Variants in PCDHA9 observed in about 807,000 individuals in gnomAD.
The protein encoded by PCDHA9 is protocadherin alpha 9, also known as protocadherin alpha-9.
PCDHA9 carries 62 observed loss-of-function variants against 62.0 expected under a neutral mutation model. The observed-to-expected ratio is 1.00, with a 90% CI of 0.81 to 1.23. PCDHA9 has a LOEUF of 1.23. Ranked by LOEUF, PCDHA9 falls within the 50% of genes most tolerant of loss-of-function variation. The pLI, the probability that PCDHA9 is intolerant of heterozygous loss-of-function variation, is 0.00. For missense variants in PCDHA9, 1,205 were observed against 1,249.8 expected (o/e 0.96, Z 0.54); for synonymous variants, 557 against 567.6 (o/e 0.98, Z 0.27).
intron 3 of PCDHA9, among the ~76,000 whole-genome samples, chr5:140,990,571 G>A (rs996259729): frequency 6.6e-6 from 1 of 152,102 alleles, no homozygotes; most frequent in Non-Finnish European, 1.5e-5. Flanking sequence ...ACACCTGTTC[G>A]ATCTCTTTTC....
intron 1 of PCDHA9, chr5:140,875,866 G>T: frequency 6.2e-7 from 1 of 1,614,192 alleles, no homozygotes; most frequent in Non-Finnish European, 8.5e-7. Context: ...CAACCCGCCG[G>T]TGTTCAGAGA....
chr5:140,887,201 A>G (rs1331832646), intron 1 of PCDHA9, among the ~76,000 whole-genome samples: 1 of 150,710 alleles, frequency 6.6e-6, no homozygotes, highest in Non-Finnish European at 1.5e-5. Context: ...GGTTCACGCC[A>G]TTCTCCTGCC....
intron 2 of PCDHA9, among the ~76,000 whole-genome samples, chr5:140,981,831 G>A (rs2096952818): frequency 6.6e-6 from 1 of 152,006 alleles, no homozygotes; most frequent in African/African-American, 2.4e-5. Flanking sequence ...TGCCTCTAAA[G>A]GTCTCCCAGT....
chr5:140,877,325 C>G lies in PCDHA9; in HGVS notation c.2394+26436C>G. 1.2e-6 allele frequency: 2 copies of G among 1,613,974 alleles called. No individual in the cohort carries two copies. Among genetic ancestry groups the G allele is most frequent in the Non-Finnish European group, 1.7e-6 (2 of 1,179,864 alleles). The stretch of plus-strand genomic sequence containing the variant: ...GAGTTGCAACCGGCGGCGGTCGGCG[C>G]GCACATCCCGTTCCACGTGGGGCTG... On this transcript the variant is annotated intron_variant, in intron 1 of 3. Transcript: ENST00000532602.
intron 3 of PCDHA9, among the ~76,000 whole-genome samples, chr5:141,005,512 G>C (rs1015892170): frequency 6.6e-6 from 1 of 151,536 alleles, no homozygotes; most frequent in Non-Finnish European, 1.5e-5. Flanking sequence ...GACCATCCTG[G>C]CTAACACGGT....
rs1387090858 is a variant in PCDHA9, at chr5:140,923,184, T to C, written c.2395-55765T>C. Reference sequence around the variant, plus strand: ...AGATAAATTTTTGTTCAGATGCATCTACTGCAGCAATTTGGGAGGCTAAGG... The same window carrying C: ...AGATAAATTTTTGTTCAGATGCATCCACTGCAGCAATTTGGGAGGCTAAGG... On this transcript the variant is annotated intron_variant, in intron 1 of 3. Transcript: ENST00000532602. Among the ~76,000 whole-genome samples the C allele has an allele frequency of 3.9e-5, 6 of 152,146 alleles. No homozygotes were observed. In the East Asian group the frequency reaches 1.2e-3, roughly 29 times the overall value.
chr5:140,956,433 C>T (rs1260145380), intron 1 of PCDHA9, among the ~76,000 whole-genome samples: 6 of 152,098 alleles, frequency 3.9e-5, no homozygotes, highest in African/African-American at 1.4e-4. Context: ...TTTAGTTCTG[C>T]TTATGTGATG....
At chr5:140,863,601 A>G (rs781889102) in intron 1 of PCDHA9, 1 of 355,024 alleles carries the variant, frequency 2.8e-6, no homozygotes, top group Non-Finnish European at 5.6e-6. Flanking sequence ...TTTCATTCCT[A>G]TTAATGTCCC....
intron 1 of PCDHA9, chr5:140,884,763 CT>C (rs1206964755): frequency 1.9e-5 from 27 of 1,421,678 alleles, no homozygotes; most frequent in Non-Finnish European, 2.4e-5. Context: ...TTATTCTTTA[CT>C]TTAATTTTAA....
chr5:140,929,308 G>A, intron 1 of PCDHA9: 3 of 1,569,682 alleles, frequency 1.9e-6, no homozygotes, highest in East Asian at 2.3e-5. Context: ...AGGGGATCAC[G>A]CTAATGTCAA....
chr5:140,876,081 G>A (rs568872116), intron 1 of PCDHA9: 1 of 1,613,944 alleles, frequency 6.2e-7, no homozygotes, highest in African/African-American at 1.3e-5. Flanking sequence ...TGGACAGAGA[G>A]CAAACGCCAA....
chr5:140,920,282 T>C (rs1554199556), intron 1 of PCDHA9, among the ~76,000 whole-genome samples: 1 of 152,218 alleles, frequency 6.6e-6, no homozygotes, highest in African/African-American at 2.4e-5. Context: ...TAATCTTATA[T>C]TTTTTAGAGG....
At chr5:140,855,737 C>A (rs1168168277) in intron 1 of PCDHA9, 12 of 304,242 alleles carry the variant, frequency 3.9e-5, no homozygotes, top group Non-Finnish European at 6.7e-5. Context: ...TATAAAGAGA[C>A]GTAATGTGAG....
intron 1 of PCDHA9, chr5:140,878,017 G>A: frequency 1.2e-6 from 1 of 800,034 alleles, no homozygotes; most frequent in Non-Finnish European, 1.8e-6. Flanking sequence ...ATTAATGAAG[G>A]AAATATGTAG....
rs59031154 is a variant in PCDHA9 at position 140,884,790 on chromosome 5, T to C, written c.2394+33901T>C. ...TTAATTTTAATTTTGCTAGTTGTTATCGAATTTAACAACTCTGCTGTGGAC... is the reference window on the plus strand; with the variant it reads ...TTAATTTTAATTTTGCTAGTTGTTACCGAATTTAACAACTCTGCTGTGGAC... On this transcript the variant is annotated intron_variant, in intron 1 of 3. Transcript: ENST00000532602. 1.6e-3 allele frequency: 2,209 copies of C among 1,352,036 alleles called. 33 individuals are homozygous for C. In the African/African-American group the frequency reaches 0.03, roughly 18 times the overall value. The allele number at this position is 1,352,036 out of a possible 1,614,324, so 83.8% of individuals were successfully genotyped here.
At chr5:140,869,347 G>C (rs782437200) in intron 1 of PCDHA9, 1 of 1,614,082 alleles carries the variant, frequency 6.2e-7, no homozygotes, top group Non-Finnish European at 8.5e-7. Context: ...TCTGCAGAAT[G>C]GCATTTTGTT....
chr5:140,912,497 T>A (rs2075943539), intron 1 of PCDHA9, among the ~76,000 whole-genome samples: 1 of 152,174 alleles, frequency 6.6e-6, no homozygotes. Context: ...ATCTAGGAGC[T>A]TTTTGGATGA....
intron 1 of PCDHA9, chr5:140,928,238 A>T (rs147430561): frequency 1.9e-6 from 3 of 1,614,188 alleles, no homozygotes; most frequent in Non-Finnish European, 2.5e-6. Context: ...CCTCAACCCC[A>T]GCAGGAACTT....
At chr5:140,911,275 G>A (rs1048648150) in intron 1 of PCDHA9, among the ~76,000 whole-genome samples, 1 of 152,164 alleles carries the variant, frequency 6.6e-6, no homozygotes, top group Non-Finnish European at 1.5e-5. Context: ...AGTGTCCCCA[G>A]CTTCATCAGG....
Sources: gnomAD v4.1 joint callset for allele counts (sites outside exome capture counted in the v4.1 genomes callset) on GRCh38, gnomAD v4.1.1 for gene constraint, MANE v1.5 for transcripts, NCBI Gene and HGNC (gene_info 2026-07-23, HGNC 2026-07-21) for gene names.